Variants in NAPA observed in about 807,000 individuals in gnomAD.
NAPA encodes alpha-soluble NSF attachment protein.
NAPA carries 18 observed loss-of-function variants against 48.0 expected under a neutral mutation model. The ratio of observed to expected loss-of-function variants is 0.38; its 90% confidence interval spans 0.26 to 0.56. The LOEUF is 0.56. Ranked by LOEUF, NAPA falls within the 20% of genes least tolerant of loss-of-function variation. The pLI is 0.77. For missense variants in NAPA, 315 were observed against 385.0 expected, an observed-to-expected ratio of 0.82 and a Z score of 1.52; for synonymous variants, 152 against 149.9, an observed-to-expected ratio of 1.01 and a Z score of -0.10.
At chr19:47,496,943 G>C (rs1241810819) in intron 3 of NAPA, 2 of 416,094 alleles carry the variant, frequency 4.8e-6, no homozygotes, top group East Asian at 1.5e-4. Flanking sequence ...CTCAGTCCAG[G>C]TTCTAGGGCT....
chr19:47,485,161 CA>C (rs1384223908), downstream of NAPA, among the ~76,000 whole-genome samples: 2 of 152,174 alleles, frequency 1.3e-5, no homozygotes, highest in Non-Finnish European at 2.9e-5. Flanking sequence ...AACTGTTCTG[CA>C]AGGGCCTACT....
In NAPA at chr19:47,506,774, T is replaced by TG. The variant is rs1968701279; in HGVS notation, c.99-3273dup. 6.6e-6 allele frequency: 1 copy of TG among 152,366 alleles called. No homozygotes were observed. Among genetic ancestry groups the TG allele is most frequent in the Non-Finnish European group, 1.5e-5 (1 of 68,160 alleles). 9.4% of individuals were successfully genotyped at this position (152,366 alleles called of 1,614,324 possible). On this transcript the variant is annotated intron_variant, in intron 1 of 10. Transcript: ENST00000263354. This position sits in a 1 kb window ranked among gnomAD's most constrained non-coding sequence, Gnocchi z 4.0. ...TGGAAAGGCCAGAGGGATTAACACC[T>TG]GCTCAGGCCCCAGGCTTGCCTCCTT...
At chr19:47,499,375 GAGC>G (rs555564524) in intron 3 of NAPA, among the ~76,000 whole-genome samples, 153 of 152,348 alleles carry the variant, frequency 1.0e-3, no homozygotes, top group Middle Eastern at 3.4e-3. Flanking sequence ...GTTTCCCAGG[GAGC>G]AGAAGGAAAG....
At chr19:47,496,704 C>G in intron 3 of NAPA, 1 of 314,544 alleles carries the variant, frequency 3.2e-6, no homozygotes, top group South Asian at 2.5e-5. Flanking sequence ...GGGCTCCTCT[C>G]AAGGGGCTCA....
rs192722534 is a variant in NAPA at position 47,504,568 on chromosome 19, A to C, written c.99-1066T>G. On this transcript the variant is annotated intron_variant, in intron 1 of 10. Transcript: ENST00000263354. ...CCAGGTGTGGGAGGCAGACTTATTC[A>C]CTGGACATCCCGTATTTGTACTGTC... Among the ~76,000 whole-genome samples, 80 of 152,168 alleles carry C rather than the reference A, an allele frequency of 5.3e-4. No individual in the cohort carries two copies. In the East Asian group the frequency reaches 0.015, roughly 28 times the overall value.
intron 3 of NAPA, chr19:47,497,430 C>T (rs930686046): frequency 6.6e-6 from 1 of 152,528 alleles, no homozygotes. Context: ...GGGTTAAGTC[C>T]CCTCCATGTC....
At chr19:47,484,835 C>CT (rs1968024056), downstream of NAPA, among the ~76,000 whole-genome samples, 2 of 151,584 alleles carry the variant, frequency 1.3e-5, no homozygotes, top group African/African-American at 4.9e-5. Context: ...CTCCCAGCAG[C>CT]TGGGATTACA....
At position 47,515,040 on chromosome 19, in the gene NAPA, T is replaced by C; in HGVS notation, c.-100A>G. 8.2e-7 allele frequency: 1 copy of C among 1,217,566 alleles called. No individual in the cohort carries two copies. The highest frequency in any genetic ancestry group is 2.6e-5 in the East Asian group (1 of 38,012). 75.4% of individuals were successfully genotyped at this position (1,217,566 alleles called of 1,614,324 possible). On this transcript the variant is annotated 5_prime_UTR_variant, in exon 1 of 11. Coordinates refer to ENST00000263354, the MANE Select transcript of NAPA (RefSeq NM_003827.4). ...CACAGATCGGTAAAACTCGCCCGGC[T>C]GCGTTGACGTCGCACCGGCGCGCGT...
chr19:47,490,419 GTGATGTGT>G (rs1968221530), intron 9 of NAPA, among the ~76,000 whole-genome samples: 4 of 140,132 alleles, frequency 2.9e-5, no homozygotes, highest in Non-Finnish European at 6.2e-5. Flanking sequence ...AGCGTGTGGT[GTGATGTGT>G]GTGGTGTGGT....
intron 9 of NAPA, among the ~76,000 whole-genome samples, 176 bp from the exon 10 acceptor site, chr19:47,489,937 C>T (rs898174416): frequency 6.6e-6 from 1 of 152,188 alleles, no homozygotes; most frequent in African/African-American, 2.4e-5. Context: ...TGTTGCGATC[C>T]TGCTGCCCTA....
intron 1 of NAPA, among the ~76,000 whole-genome samples, chr19:47,509,289 AAAAATAAAAT>A (rs542864086): frequency 0.13 from 16,401 of 129,310 alleles, 1,129 homozygotes; most frequent in Middle Eastern, 0.15. Flanking sequence ...TTGTGGTGGT[AAAAATAAAAT>A]AAAATAAAAT....
chr19:47,492,462 G>A, intron 7 of NAPA: 1 of 410,228 alleles, frequency 2.4e-6, no homozygotes. Context: ...GCGGCAGGCG[G>A]TGGGAACATG....
rs73940868 is a variant in NAPA at position 47,503,583 on chromosome 19, C to T, written c.99-81G>A. 890 of 1,336,824 alleles carry T rather than the reference C, an allele frequency of 6.7e-4. 4 individuals carry two copies. The African/African-American group carries it at 0.011, about 16-fold the overall frequency. 82.8% of individuals were successfully genotyped at this position (1,336,824 alleles called of 1,614,324 possible). On this transcript the variant is annotated intron_variant, in intron 1 of 10. Transcript: ENST00000263354. ...GCAAGCATTCTGCTCCAGTGCCGGGCACAGACGTGCCCCTACCCCTCACCC... is the reference window on the plus strand; with the variant it reads ...GCAAGCATTCTGCTCCAGTGCCGGGTACAGACGTGCCCCTACCCCTCACCC...
downstream of NAPA, among the ~76,000 whole-genome samples, chr19:47,486,093 T>C (rs574340846): frequency 2.0e-5 from 3 of 152,316 alleles, no homozygotes; most frequent in African/African-American, 7.2e-5. Flanking sequence ...TGGTGGCTCA[T>C]GCCTGTAATT....
At chr19:47,494,466 G>A (rs1968363201) in intron 4 of NAPA, among the ~76,000 whole-genome samples, 1 of 152,100 alleles carries the variant, frequency 6.6e-6, no homozygotes, top group Non-Finnish European at 1.5e-5. Flanking sequence ...GGCCAGGCAC[G>A]GTGGCTCATG....
chr19:47,492,204 T>C (rs1160907310), intron 7 of NAPA, 85 bp from the exon 8 acceptor site: 1 of 1,216,802 alleles, frequency 8.2e-7, no homozygotes, highest in Non-Finnish European at 1.2e-6. Flanking sequence ...GGGGGCCAGC[T>C]GGGAGCTGGT....
intron 1 of NAPA, among the ~76,000 whole-genome samples, chr19:47,513,797 G>A (rs546143828): frequency 6.7e-6 from 1 of 148,926 alleles, no homozygotes; most frequent in African/African-American, 2.5e-5. Flanking sequence ...CCACCCAGGA[G>A]TCTCCAGCCT....
At chr19:47,501,846 A>G (rs1968584513) in intron 2 of NAPA, among the ~76,000 whole-genome samples, 1 of 152,226 alleles carries the variant, frequency 6.6e-6, no homozygotes, top group African/African-American at 2.4e-5. Context: ...GAAGAGGACC[A>G]GGAGGCCTGG....
At chr19:47,505,655 C>G (rs1213732590) in intron 1 of NAPA, 1 of 152,336 alleles carries the variant, frequency 6.6e-6, no homozygotes, top group South Asian at 2.1e-4. Context: ...AAAGCAGCCA[C>G]CAGCGATCAG....
Sources: gnomAD v4.1 joint callset for allele counts (sites outside exome capture counted in the v4.1 genomes callset) on GRCh38, gnomAD v4.1.1 for gene constraint, Gnocchi (gnomAD v3.1) non-coding constraint, MANE v1.5 for transcripts, NCBI Gene and HGNC (gene_info 2026-07-23, HGNC 2026-07-21) for gene names.